AZU1: variants seen among roughly 807,000 people sequenced by gnomAD.
AZU1 encodes azurocidin 1, also known as azurocidin.
Under a neutral mutation model 17.8 loss-of-function variants are expected in AZU1, and 21 were observed. The observed-to-expected ratio is 1.18, with a 90% confidence interval of 0.84 to 1.70. The LOEUF is 1.70. Among genes scored for constraint, AZU1 ranks in the 40% most tolerant of loss-of-function variants. The pLI is 0.00. For synonymous variants in AZU1, 178 were observed against 155.2 expected (o/e 1.15, Z -1.09); for missense variants, 379 against 362.9 (o/e 1.04, Z -0.36).
intron 4 of AZU1, 121 bp downstream of exon 4, chr19:831,062 C>T (rs954586416): frequency 4.9e-6 from 4 of 810,912 alleles, no homozygotes; most frequent in Admixed American, 2.8e-5. Flanking sequence ...AGCATTTTCA[C>T]GGTAGGAGAA....
At chr19:829,991 G>T (rs986633879) in intron 3 of AZU1, among the ~76,000 whole-genome samples, 5 of 148,786 alleles carry the variant, frequency 3.4e-5, no homozygotes, top group African/African-American at 1.2e-4. Flanking sequence ...GCCGGGTGAG[G>T]TGGCTCATGC....
rs761153158 is a variant in AZU1, at chr19:828,407, G to A, written c.215+21G>A. ...AGCCAGTGAGGGGTCCTGGGGAGGG[G>A]GCCTAGGGGGCATTGGGGCTCAGAG... On this transcript the variant is annotated intron_variant, in intron 2 of 4. Transcript: ENST00000233997. The A allele has an allele frequency of 1.1e-5, 17 of 1,532,902 alleles. No individual in the cohort carries two copies. The African/African-American group carries it at 2.4e-4, about 21-fold the overall frequency. The allele number at this position is 1,532,902 out of a possible 1,614,324, so 95.0% of individuals were successfully genotyped here.
At position 831,961 on chromosome 19, in the gene AZU1, GC is replaced by G. The variant is rs368866282; in HGVS notation, c.*89del. Reference sequence around the variant, plus strand: ...ACCCACCTCCCACGGCCCCGCCCCTGCCCCCGCTCCGGCCAGAGGGGCCCTG... The same window carrying G: ...ACCCACCTCCCACGGCCCCGCCCCTGCCCCGCTCCGGCCAGAGGGGCCCTG... On this transcript the variant is annotated 3_prime_UTR_variant, in exon 5 of 5. Coordinates refer to ENST00000233997, the MANE Select transcript of AZU1 (RefSeq NM_001700.5). The G allele has an allele frequency of 3.5e-5, 51 of 1,466,218 alleles. No individual in the cohort carries two copies. The African/African-American group carries it at 5.4e-4, about 15-fold the overall frequency. The allele number at this position is 1,466,218 out of a possible 1,614,324, so 90.8% of individuals were successfully genotyped here. A position where few individuals can be genotyped will look rare whatever the true frequency, so the allele number is the denominator to read the frequency against.
At chr19:830,222 T>C (rs887563766) in intron 3 of AZU1, among the ~76,000 whole-genome samples, 35 of 152,122 alleles carry the variant, frequency 2.3e-4, no homozygotes, top group African/African-American at 7.7e-4. Flanking sequence ...ATCGCGCCCC[T>C]GCACTCCAGC....
At chr19:831,080 CTTT>C (rs879042801) in intron 4 of AZU1, 139 bp downstream of exon 4, 1,094 of 585,666 alleles carry the variant, frequency 1.9e-3, no homozygotes, top group South Asian at 3.7e-3. Context: ...GAAACAGTAT[CTTT>C]TTTTTTTTTT....
chr19:830,969 G>A (rs1458262212), intron 4 of AZU1, 28 bp downstream of exon 4: 1 of 1,586,552 alleles, frequency 6.3e-7, no homozygotes, highest in African/African-American at 1.3e-5. Flanking sequence ...CGGGAGGAGG[G>A]GTCCTGAGAG....
chr19:828,421 T>A, intron 2 of AZU1, 35 bp downstream of exon 2: 1 of 944,860 alleles, frequency 1.1e-6, no homozygotes, highest in Non-Finnish European at 1.3e-6. Flanking sequence ...TAGGGGGCAT[T>A]GGGGCTCAGA....
intron 4 of AZU1, chr19:831,477 G>A (rs1223086884): frequency 3.4e-5 from 18 of 535,680 alleles, no homozygotes; most frequent in South Asian, 1.7e-4. Flanking sequence ...GGACTCAGGC[G>A]TGTGATTGCC....
chr19:828,094 G>A, intron 1 of AZU1, 136 bp from the exon 2 acceptor site: 1 of 1,332,074 alleles, frequency 7.5e-7, no homozygotes, highest in Non-Finnish European at 1.0e-6. Context: ...TGTCCTCTTA[G>A]GGAGTGGGAC....
At chr19:830,686 C>T in intron 3 of AZU1, 22 bp from the exon 4 acceptor site, 1 of 1,538,196 alleles carries the variant, frequency 6.5e-7, no homozygotes, top group Non-Finnish European at 8.7e-7. Flanking sequence ...CCACCCTCCC[C>T]TGACTCCATT....
Position 829,546 on chromosome 19 carries a change from C to G in AZU1, c.216-16C>G. The G allele has an allele frequency of 1.2e-6, 2 of 1,611,102 alleles. No homozygotes were observed. Among genetic ancestry groups the G allele is most frequent in the Non-Finnish European group, 1.7e-6 (2 of 1,179,426 alleles). On this transcript the variant is annotated splice_polypyrimidine_tract_variant and intron_variant, in intron 2 of 4. Transcript: ENST00000233997. ...GCCTGGTGTCCTCCCTCTGCCCTTTCCTCCGCTACTCTCAGGAACCCCGGG... is the reference window on the plus strand; with the variant it reads ...GCCTGGTGTCCTCCCTCTGCCCTTTGCTCCGCTACTCTCAGGAACCCCGGG...
Position 831,893 on chromosome 19 carries a change from C to T in AZU1, c.*16C>T. 6.2e-7 allele frequency: 1 copy of T among 1,605,588 alleles called. No homozygotes were observed. Among genetic ancestry groups the T allele is most frequent in the East Asian group, 2.2e-5 (1 of 44,752 alleles). ...GCCAGCCTAGGGGGGCCTGTGACCT[C>T]CCATGGAGCCCAGCCCCGCCCTCCA... On this transcript the variant is annotated 3_prime_UTR_variant, in exon 5 of 5. Coordinates refer to ENST00000233997, the MANE Select transcript of AZU1 (RefSeq NM_001700.5).
Position 831,931 on chromosome 19 carries a change from T to C in AZU1, c.*54T>C. 6.4e-7 allele frequency: 1 copy of C among 1,561,794 alleles called. No individual in the cohort carries two copies. Among genetic ancestry groups the C allele is most frequent in the Non-Finnish European group, 8.7e-7 (1 of 1,148,760 alleles). ...GCCCCGCCCTCCACACCTCCGGCGCTCCGCACCCACCTCCCACGGCCCCGC... is the reference window on the plus strand; with the variant it reads ...GCCCCGCCCTCCACACCTCCGGCGCCCCGCACCCACCTCCCACGGCCCCGC... On this transcript the variant is annotated 3_prime_UTR_variant, in exon 5 of 5. Transcript: ENST00000233997.
intron 2 of AZU1, among the ~76,000 whole-genome samples, 176 bp downstream of exon 2, chr19:828,562 AC>A (rs1300663339): frequency 6.7e-6 from 1 of 148,712 alleles, no homozygotes; most frequent in Non-Finnish European, 1.5e-5. Flanking sequence ...TTGAGGAGGG[AC>A]CCAAGGATAT....
intron 3 of AZU1, 62 bp downstream of exon 3, chr19:829,768 C>T: frequency 1.3e-6 from 2 of 1,580,950 alleles, no homozygotes; most frequent in East Asian, 4.5e-5. Context: ...GCCAGGGAAA[C>T]AAGTCCAAAC....
chr19:829,763 G>A (rs1348566177), intron 3 of AZU1, 57 bp downstream of exon 3: 1 of 1,586,440 alleles, frequency 6.3e-7, no homozygotes, highest in Non-Finnish European at 8.6e-7. Context: ...CGTTAGCCAG[G>A]GAAACAAGTC....
In AZU1 at chr19:827,859, A is replaced by G; in HGVS notation, c.13A>G (p.Thr5Ala). MTRLTVLALLAGLLA... is the reference protein window; with the variant it reads MTRLAVLALLAGLLA... The stretch of plus-strand genomic sequence containing the variant: ...GACCTGCCCCGCCATGACCCGGCTG[A>G]CAGTCCTGGCCCTGCTGGCTGGTCT... The change falls in exon 1 of 5, where the codon ACA becomes GCA. Residue 5 changes from threonine (T) to alanine (A), a missense_variant. Coordinates refer to ENST00000233997, the MANE Select transcript of AZU1 (RefSeq NM_001700.5). The G allele has an allele frequency of 3.3e-6, 5 of 1,536,738 alleles. No individual in the cohort carries two copies. The highest frequency in any genetic ancestry group is 4.4e-6 in the Non-Finnish European group (5 of 1,147,206).
chr19:829,668 G>T lies in AZU1; in HGVS notation c.322G>T (p.Asp108Tyr), dbSNP rs142169722. The stretch of plus-strand genomic sequence containing the variant: ...CAGCAGCATGAGCGAGAATGGCTAC[G>T]ACCCCCAGCAGAACCTGAACGACCT... ...SISSMSENGY[D>Y]PQQNLNDLML... Residue 108 changes from aspartate to tyrosine, a missense_variant, in exon 3 of 5, where the codon GAC (aspartate) becomes TAC (tyrosine). Coordinates refer to ENST00000233997, the MANE Select transcript of AZU1 (RefSeq NM_001700.5). The T allele has an allele frequency of 9.5e-5, 154 of 1,613,386 alleles. No individual in the cohort carries two copies. The highest frequency in any genetic ancestry group is 8.3e-4 in the Middle Eastern group (5 of 6,058).
At chr19:828,148 G>A (rs2078548143) in intron 1 of AZU1, 82 bp from the exon 2 acceptor site, 4 of 1,475,324 alleles carry the variant, frequency 2.7e-6, no homozygotes, top group South Asian at 1.3e-5. Context: ...TGGGTGGATA[G>A]AGCTGAGGCT....
Sources: allele counts gnomAD v4.1 joint callset (sites outside exome capture counted in the v4.1 genomes callset), GRCh38; gene constraint gnomAD v4.1.1; transcripts MANE v1.5; gene names NCBI Gene and HGNC (gene_info 2026-07-23, HGNC 2026-07-21).